The following NUP205 variants were observed in gnomAD, a reference collection of about 807,000 sequenced individuals.
The protein encoded by NUP205 is nuclear pore complex protein Nup205.
In NUP205, 76 loss-of-function variants were observed where a neutral mutation model predicts 253.8. The observed-to-expected ratio is 0.30, with a 90% confidence interval of 0.25 to 0.36. NUP205 has a LOEUF of 0.36. Among genes scored for constraint, NUP205 ranks in the 10% least tolerant of loss-of-function variants. The probability of loss-of-function intolerance (pLI) is 1.00; values close to 1 mark genes in which losing one functional copy is unlikely to be tolerated. For missense variants in NUP205, 2,162 were observed against 2,425.5 expected (o/e 0.89, Z 2.28); for synonymous variants, 832 against 850.1 (o/e 0.98, Z 0.37).
chr7:135,638,479 C>T, intron 37 of NUP205, 78 bp from the exon 38 acceptor site: 15 of 1,189,870 alleles, frequency 1.3e-5, no homozygotes, highest in East Asian at 8.4e-5. Flanking sequence ...ATAACCTTTT[C>T]TTCTTCAAAT....
Position 135,606,239 on chromosome 7 carries a change from T to C in NUP205, c.2905+13T>C, listed in dbSNP as rs1277891870. On this transcript the variant is annotated intron_variant, in intron 20 of 42. Transcript: ENST00000285968. ...CGTCTGGAAGAGGGTATGCCTTAGA[T>C]TAATGTGCATACACGCATTCTTTTA... 2.7e-6 allele frequency: 4 copies of C among 1,502,102 alleles called. No homozygotes were observed. The highest frequency in any genetic ancestry group is 1.7e-5 in the Admixed American group (1 of 59,728). 93.0% of individuals were successfully genotyped at this position (1,502,102 alleles called of 1,614,324 possible).
At chr7:135,562,414 C>T (rs1256899850) in intron 1 of NUP205, among the ~76,000 whole-genome samples, 2 of 151,792 alleles carry the variant, frequency 1.3e-5, no homozygotes, top group Non-Finnish European at 2.9e-5. Flanking sequence ...GCCAGGGGTG[C>T]CTCGAATTTC....
intron 16 of NUP205, among the ~76,000 whole-genome samples, 181 bp downstream of exon 16, chr7:135,601,150 A>T (rs1445234920): frequency 6.6e-6 from 1 of 152,206 alleles, no homozygotes; most frequent in Non-Finnish European, 1.5e-5. Context: ...AAGATCAAGA[A>T]CACTGCATTA....
chr7:135,616,956 T>C (rs1584676711), intron 25 of NUP205, 134 bp from the exon 26 acceptor site: 1 of 682,774 alleles, frequency 1.5e-6, no homozygotes, highest in East Asian at 2.8e-5. Flanking sequence ...TAGATTCCAA[T>C]ACAGTTTTCA....
Position 135,628,103 on chromosome 7 carries a change from G to A in NUP205, c.4924G>A (p.Ala1642Thr), listed in dbSNP as rs1794633785. ...TAGTATGGCCCAGCACTTGCAGGCA[G>A]CAGGGCAGGTAAGGTGAACCCTTTG... ...TSSMAQHLQA[A>T]GQVLQFLISH... Residue 1642 changes from alanine to threonine, a missense_variant, in exon 34 of 43, where the codon GCA (alanine) becomes ACA (threonine). Around this residue, in one of 5 missense-constraint regions of NUP205, gnomAD observed 1,144 missense variants for 1,280.9 expected, o/e 0.89. Coordinates refer to ENST00000285968, the MANE Select transcript of NUP205 (RefSeq NM_015135.3). The A allele has an allele frequency of 6.2e-7, 1 of 1,608,138 alleles. No individual in the cohort carries two copies. Among genetic ancestry groups the A allele is most frequent in the South Asian group, 1.1e-5 (1 of 90,488 alleles).
At chr7:135,645,840 G>A in intron 41 of NUP205, 1 of 575,622 alleles carries the variant, frequency 1.7e-6, no homozygotes, top group East Asian at 2.9e-5. Context: ...GCTGCAGTTA[G>A]GGGGCTGATC....
chr7:135,620,007 T>C, intron 30 of NUP205, 119 bp downstream of exon 30: 1 of 691,232 alleles, frequency 1.4e-6, no homozygotes, highest in Admixed American at 2.6e-5. Context: ...AGTGTTAGTG[T>C]CATTTTTAAA....
intron 40 of NUP205, 101 bp from the exon 41 acceptor site, chr7:135,645,367 C>T: frequency 5.0e-6 from 6 of 1,212,116 alleles, no homozygotes; most frequent in Non-Finnish European, 7.1e-6. Flanking sequence ...GTGGGTACCT[C>T]ATTAAGTGAG....
At chr7:135,627,592 G>C (rs994549357) in intron 33 of NUP205, among the ~76,000 whole-genome samples, 7 of 152,160 alleles carry the variant, frequency 4.6e-5, no homozygotes, top group Non-Finnish European at 8.8e-5. Flanking sequence ...GTGGATTTTT[G>C]GCTTGGGTAG....
chr7:135,607,313 G>A lies in NUP205; in HGVS notation c.3137G>A (p.Gly1046Glu). 1 of 1,614,132 alleles carries A rather than the reference G, an allele frequency of 6.2e-7. No individual in the cohort carries two copies. The highest frequency in any genetic ancestry group is 8.5e-7 in the Non-Finnish European group (1 of 1,179,988). Residue 1046 changes from glycine (G) to glutamate (E), a missense_variant, in exon 22 of 43, where the codon GGG (glycine) becomes GAG (glutamate). Around this residue, in one of 5 missense-constraint regions of NUP205, gnomAD observed 1,144 missense variants for 1,280.9 expected, o/e 0.89. Coordinates refer to ENST00000285968, the MANE Select transcript of NUP205 (RefSeq NM_015135.3). ...ILNILEKGTE[G>E]RTGPVAVRES... ...AACATCTTGGAGAAAGGAACGGAAG[G>A]GAGAACAGGCCCAGTGGCGGTGCGA... is the stretch of plus-strand genomic sequence containing the variant.
chr7:135,616,922 A>T (rs1044924014), intron 25 of NUP205, among the ~76,000 whole-genome samples, 168 bp from the exon 26 acceptor site: 1 of 152,172 alleles, frequency 6.6e-6, no homozygotes, highest in African/African-American at 2.4e-5. Flanking sequence ...TTGTTAATGG[A>T]TGTATCAGAA....
intron 35 of NUP205, among the ~76,000 whole-genome samples, chr7:135,634,269 T>G (rs1479460176): frequency 6.6e-6 from 1 of 152,116 alleles, no homozygotes; most frequent in Non-Finnish European, 1.5e-5. Flanking sequence ...TTGAGAGTGA[T>G]TGATATACAT....
chr7:135,594,622 T>A lies in NUP205; in HGVS notation c.1906T>A (p.Cys636Ser), dbSNP rs777686796. Residue 636 changes from cysteine to serine, a missense_variant, in exon 13 of 43, where the codon TGC becomes AGC. Coordinates refer to ENST00000285968, the MANE Select transcript of NUP205 (RefSeq NM_015135.3). Reference protein sequence around the residue: ...PVVVILGLLQCSIPPVLKAEL... With the variant: ...PVVVILGLLQSSIPPVLKAEL... ...TGTGGTGATTCTGGGACTCCTCCAA[T>A]GCAGTATTCCCCCTGTCCTAAAAGC... is the stretch of plus-strand genomic sequence containing the variant. 6.2e-7 allele frequency: 1 copy of A among 1,613,950 alleles called. No homozygotes were observed. The highest frequency in any genetic ancestry group is 1.1e-5 in the South Asian group (1 of 91,060).
intron 19 of NUP205, among the ~76,000 whole-genome samples, chr7:135,605,278 A>G (rs1382031185): frequency 6.6e-6 from 1 of 152,100 alleles, no homozygotes; most frequent in African/African-American, 2.4e-5. Context: ...CGGCCTCCCA[A>G]AGTGCTAGGA....
At chr7:135,605,459 T>TA (rs1794067672) in intron 19 of NUP205, among the ~76,000 whole-genome samples, 1 of 152,232 alleles carries the variant, frequency 6.6e-6, no homozygotes, top group African/African-American at 2.4e-5. Context: ...TAGATACCAC[T>TA]ATCTGTCAGT....
At chr7:135,637,465 T>C (rs1178470228) in intron 36 of NUP205, among the ~76,000 whole-genome samples, 1 of 152,246 alleles carries the variant, frequency 6.6e-6, no homozygotes, top group East Asian at 1.9e-4. Context: ...GATCTGTGTG[T>C]TTGTAACCCC....
At position 135,571,141 on chromosome 7, in the gene NUP205, A is replaced by T; in HGVS notation, c.65A>T (p.His22Leu). Reference sequence around the variant, plus strand: ...TGGGGTCCTTACAAAGACATTTGGCATAAAGTGGGAAATGCTCTTTGGAGA... The same window carrying T: ...TGGGGTCCTTACAAAGACATTTGGCTTAAAGTGGGAAATGCTCTTTGGAGA... ...SLWGPYKDIW[H>L]KVGNALWRRQ... Residue 22 changes from histidine to leucine, a missense_variant, in exon 2 of 43, where the codon CAT (histidine) becomes CTT (leucine). His to Leu is a moderately conservative substitution (Grantham distance 99). Transcript: ENST00000285968. The T allele has an allele frequency of 6.5e-7, 1 of 1,549,272 alleles. No individual in the cohort carries two copies.
At chr7:135,625,926 C>T (rs993059479) in intron 32 of NUP205, among the ~76,000 whole-genome samples, 5 of 152,116 alleles carry the variant, frequency 3.3e-5, no homozygotes, top group Non-Finnish European at 7.3e-5. Flanking sequence ...GCACTAGGTA[C>T]TAGAGACACA....
intron 36 of NUP205, among the ~76,000 whole-genome samples, chr7:135,636,759 A>G (rs1794818469): frequency 6.6e-6 from 1 of 152,176 alleles, no homozygotes; most frequent in Admixed American, 6.5e-5. Flanking sequence ...TAATCCTAGC[A>G]TTTTGGGAGG....
Sources: gnomAD v4.1 joint callset for allele counts (sites outside exome capture counted in the v4.1 genomes callset) on GRCh38, gnomAD v4.1.1 for gene constraint, gnomAD v4.1.1 regional missense constraint, MANE v1.5 for transcripts, NCBI Gene and HGNC (gene_info 2026-07-23, HGNC 2026-07-21) for gene names.